RERG: variants seen among roughly 807,000 people sequenced by gnomAD.
The protein encoded by RERG is RAS like estrogen regulated growth inhibitor.
In RERG, 25 loss-of-function variants were observed where a neutral mutation model predicts 23.2. The ratio of observed to expected loss-of-function variants is 1.08; its 90% confidence interval spans 0.79 to 1.50. The LOEUF is 1.50. RERG is among the 40% of genes most tolerant of loss of function. The pLI, the probability that RERG is intolerant of heterozygous loss-of-function variation, is 0.00. For missense variants in RERG, 253 were observed against 250.1 expected, an observed-to-expected ratio of 1.01 and a Z score of -0.08; for synonymous variants, 81 against 89.1, an observed-to-expected ratio of 0.91 and a Z score of 0.51.
chr12:15,173,108 G>A (rs1470771571), intron 2 of RERG, among the ~76,000 whole-genome samples: 1 of 151,928 alleles, frequency 6.6e-6, no homozygotes, highest in East Asian at 1.9e-4. Flanking sequence ...TATCATTGTA[G>A]CTCTTATTTT....
chr12:15,214,221 C>G (rs1164265211), intron 2 of RERG, among the ~76,000 whole-genome samples: 1 of 152,144 alleles, frequency 6.6e-6, no homozygotes, highest in African/African-American at 2.4e-5. Context: ...GCCAGGAACA[C>G]TTGCATGTAA....
chr12:15,140,099 T>C lies in RERG; in HGVS notation c.62-18980A>G, dbSNP rs895215352. ...TTTTTAAAAGGTGTTATGAACTGAA[T>C]GTTTGTGTCTCTCCAAAACTAATAT... On this transcript the variant is annotated intron_variant, in intron 2 of 4. Coordinates refer to ENST00000256953, the MANE Select transcript of RERG (RefSeq NM_032918.3). Among the ~76,000 whole-genome samples the C allele has an allele frequency of 7.5e-4, 114 of 152,198 alleles. 1 individual carries two copies. The highest frequency in any genetic ancestry group is 2.7e-3 in the African/African-American group (110 of 41,454).
chr12:15,151,587 G>A (rs1864443364), intron 2 of RERG, among the ~76,000 whole-genome samples: 1 of 152,128 alleles, frequency 6.6e-6, no homozygotes, highest in Admixed American at 6.5e-5. Flanking sequence ...TCTTGAGATG[G>A]GGGGAAAAAT....
chr12:15,138,914 C>T (rs1293283528), intron 2 of RERG, among the ~76,000 whole-genome samples: 3 of 151,388 alleles, frequency 2.0e-5, no homozygotes, highest in African/African-American at 7.3e-5. Flanking sequence ...TAGATTTTCT[C>T]CTATACTATA....
intron 2 of RERG, among the ~76,000 whole-genome samples, chr12:15,130,177 T>C (rs1274457221): frequency 6.6e-6 from 1 of 152,166 alleles, no homozygotes; most frequent in East Asian, 1.9e-4. Context: ...ATGCTCCAGG[T>C]ACTGTGCTAG....
intron 2 of RERG, among the ~76,000 whole-genome samples, chr12:15,191,753 C>T (rs181785331): frequency 9.2e-5 from 14 of 152,284 alleles, no homozygotes; most frequent in African/African-American, 3.4e-4. Flanking sequence ...TCCAACTTGG[C>T]CCATTCCTAC....
chr12:15,208,739 C>T, intron 2 of RERG, among the ~76,000 whole-genome samples: 1 of 152,204 alleles, frequency 6.6e-6, no homozygotes, highest in Non-Finnish European at 1.5e-5. Flanking sequence ...TAAATACACA[C>T]ATATATACAT....
chr12:15,172,853 G>A (rs1864795871), intron 2 of RERG, among the ~76,000 whole-genome samples: 1 of 151,878 alleles, frequency 6.6e-6, no homozygotes, highest in East Asian at 1.9e-4. Context: ...GAGTATGAGG[G>A]TTCTTTATAA....
chr12:15,218,587 A>G (rs1865474128), intron 1 of RERG, among the ~76,000 whole-genome samples: 1 of 152,056 alleles, frequency 6.6e-6, no homozygotes, highest in South Asian at 2.1e-4. Flanking sequence ...AGGAGGAACT[A>G]TCTTTCTAAT....
intron 2 of RERG, among the ~76,000 whole-genome samples, chr12:15,186,101 T>A (rs1864986068): frequency 6.6e-6 from 1 of 151,904 alleles, no homozygotes; most frequent in Non-Finnish European, 1.5e-5. Context: ...CATTAAAAAG[T>A]TGAACAAACA....
intron 2 of RERG, among the ~76,000 whole-genome samples, chr12:15,200,348 T>C (rs1865199007): frequency 6.6e-6 from 1 of 152,078 alleles, no homozygotes; most frequent in Non-Finnish European, 1.5e-5. Context: ...ATCAAAGCTA[T>C]GTGTGCCAAT....
At chr12:15,148,842 ACT>A (rs1864379625) in intron 2 of RERG, among the ~76,000 whole-genome samples, 1 of 97,206 alleles carries the variant, frequency 1.0e-5, no homozygotes, top group African/African-American at 3.5e-5. Context: ...CAGTCCTTTA[ACT>A]CTGTTTTTTT....
Position 15,111,257 on chromosome 12 carries a change from A to C in RERG, c.192+87T>G, listed in dbSNP as rs975403185. ...GTTTTAGGCATGCAAAAGTTAGTTG[A>C]AGAAAAGTGCCTTATTTTTGTTCAT... On this transcript the variant is annotated intron_variant, in intron 4 of 4. Coordinates refer to ENST00000256953, the MANE Select transcript of RERG (RefSeq NM_032918.3). 4 of 993,890 alleles carry C rather than the reference A, an allele frequency of 4.0e-6. No individual in the cohort carries two copies. In the African/African-American group the frequency reaches 4.9e-5, roughly 12 times the overall value. The allele number at this position is 993,890 out of a possible 1,614,324, so 61.6% of individuals were successfully genotyped here. A position where few individuals can be genotyped will look rare whatever the true frequency, so the allele number is the denominator to read the frequency against.
chr12:15,188,747 T>C (rs1865027649), intron 2 of RERG, among the ~76,000 whole-genome samples: 1 of 152,208 alleles, frequency 6.6e-6, no homozygotes, highest in South Asian at 2.1e-4. Flanking sequence ...TATTTGCTCT[T>C]CCTTAAAAGG....
chr12:15,200,305 G>A (rs1865198393), intron 2 of RERG, among the ~76,000 whole-genome samples: 1 of 151,908 alleles, frequency 6.6e-6, no homozygotes, highest in Admixed American at 6.6e-5. Flanking sequence ...AAAATGACCT[G>A]AGAAAACTGT....
intron 3 of RERG, among the ~76,000 whole-genome samples, chr12:15,117,233 A>T (rs997771017): frequency 6.6e-6 from 1 of 151,388 alleles, no homozygotes; most frequent in Non-Finnish European, 1.5e-5. Flanking sequence ...TTATGCCACA[A>T]TGGAAATTGT....
intron 3 of RERG, among the ~76,000 whole-genome samples, chr12:15,114,007 A>G (rs1287738300): frequency 6.6e-6 from 1 of 152,098 alleles, no homozygotes; most frequent in Non-Finnish European, 1.5e-5. Context: ...CTGAGGTGGC[A>G]CCACAAGTCA....
intron 2 of RERG, among the ~76,000 whole-genome samples, chr12:15,202,616 T>C (rs565039814): frequency 6.6e-6 from 1 of 151,780 alleles, no homozygotes; most frequent in Non-Finnish European, 1.5e-5. Flanking sequence ...TTGTTGCAAA[T>C]GGTAGGATTT....
chr12:15,146,430 C>A (rs1162535425), intron 2 of RERG, among the ~76,000 whole-genome samples: 1 of 152,158 alleles, frequency 6.6e-6, no homozygotes, highest in African/African-American at 2.4e-5. Context: ...CTCAAAACTT[C>A]TGATTTGCAT....
Sources: allele counts gnomAD v4.1 joint callset (sites outside exome capture counted in the v4.1 genomes callset), GRCh38; gene constraint gnomAD v4.1.1; transcripts MANE v1.5; gene names NCBI Gene and HGNC (gene_info 2026-07-23, HGNC 2026-07-21).